MAST4: variants seen among roughly 807,000 people sequenced by gnomAD.
MAST4 encodes microtubule-associated serine/threonine-protein kinase 4.
Under a neutral mutation model 162.7 loss-of-function variants are expected in MAST4, and 89 were observed. The observed-to-expected ratio is 0.55, with a 90% CI of 0.46 to 0.65. The LOEUF is 0.65. Among genes scored for constraint, MAST4 ranks in the 30% least tolerant of loss-of-function variants. MAST4 has a pLI of 0.00. For missense variants in MAST4, 3,153 were observed against 3,374.0 expected (o/e 0.93, Z 1.62); for synonymous variants, 1,479 against 1,361.1 (o/e 1.09, Z -1.91).
At chr5:67,144,411 TATG>T (rs778089143) in intron 21 of MAST4, among the ~76,000 whole-genome samples, 1 of 151,872 alleles carries the variant, frequency 6.6e-6, no homozygotes. Context: ...CGCAACAAGA[TATG>T]ATGAGAGGAT....
chr5:66,820,721 A>G (rs1004198012), intron 3 of MAST4, among the ~76,000 whole-genome samples: 3 of 152,198 alleles, frequency 2.0e-5, no homozygotes, highest in Non-Finnish European at 4.4e-5. Flanking sequence ...ATAGTCTGCT[A>G]TATTTCATAT....
At chr5:66,712,657 A>G (rs1750568559) in intron 1 of MAST4, among the ~76,000 whole-genome samples, 1 of 152,218 alleles carries the variant, frequency 6.6e-6, no homozygotes, top group Non-Finnish European at 1.5e-5. Flanking sequence ...TCTCAAAGAA[A>G]TAGAGTTCCA....
At chr5:66,926,057 T>A (rs1764869346) in intron 4 of MAST4, among the ~76,000 whole-genome samples, 3 of 152,024 alleles carry the variant, frequency 2.0e-5, no homozygotes, top group African/African-American at 7.2e-5. Context: ...TCTCATCCAT[T>A]TGGGCTTTTT....
intron 3 of MAST4, among the ~76,000 whole-genome samples, chr5:66,806,861 G>C (rs1006997821): frequency 2.0e-5 from 3 of 151,804 alleles, no homozygotes; most frequent in African/African-American, 4.8e-5. Flanking sequence ...TGGTTTTCTT[G>C]CCTGTGTGAT....
intron 3 of MAST4, among the ~76,000 whole-genome samples, chr5:66,812,302 C>T (rs1018108854): frequency 3.3e-5 from 5 of 152,046 alleles, no homozygotes; most frequent in African/African-American, 9.7e-5. Context: ...GTGAAAATGG[C>T]CTTAGATAGT....
chr5:66,646,844 G>A (rs1745872085), intron 1 of MAST4, among the ~76,000 whole-genome samples: 1 of 152,158 alleles, frequency 6.6e-6, no homozygotes, highest in African/African-American at 2.4e-5. Flanking sequence ...TCAGATTCAA[G>A]ATAGACATCA....
intron 2 of MAST4, among the ~76,000 whole-genome samples, chr5:66,780,637 G>A (rs1046684901): frequency 6.6e-6 from 1 of 152,178 alleles, no homozygotes; most frequent in Admixed American, 6.5e-5. Flanking sequence ...GGTTGCTGCT[G>A]CTGGCTCAGG....
At chr5:66,675,219 T>C (rs899661040) in intron 1 of MAST4, among the ~76,000 whole-genome samples, 7 of 152,212 alleles carry the variant, frequency 4.6e-5, no homozygotes, top group African/African-American at 1.7e-4. Context: ...GTGTTTAGCT[T>C]CCTTTTTACC....
chr5:66,921,873 TTAAA>T (rs1243566510), intron 4 of MAST4, among the ~76,000 whole-genome samples: 1 of 152,242 alleles, frequency 6.6e-6, no homozygotes, highest in African/African-American at 2.4e-5. Flanking sequence ...AACGTTCTAA[TTAAA>T]TAATATTATC....
intron 4 of MAST4, chr5:67,004,941 C>A (rs1266424539): frequency 3.3e-5 from 24 of 718,622 alleles, no homozygotes; most frequent in Non-Finnish European, 5.2e-6. Context: ...TTTTACCTCT[C>A]CCCATTTTAG....
intron 4 of MAST4, among the ~76,000 whole-genome samples, chr5:66,930,178 A>G (rs140592049): frequency 1.2e-3 from 178 of 152,320 alleles, no homozygotes; most frequent in African/African-American, 3.8e-3. Context: ...GAGACGACTG[A>G]AACTGTGCCC....
chr5:66,610,874 A>T (rs1183803746), intron 1 of MAST4, among the ~76,000 whole-genome samples: 1 of 152,224 alleles, frequency 6.6e-6, no homozygotes, highest in African/African-American at 2.4e-5. Context: ...GGACATCTTC[A>T]TTGGATGCCC....
intron 1 of MAST4, among the ~76,000 whole-genome samples, chr5:66,611,532 A>G (rs1247396763): frequency 6.6e-6 from 1 of 152,232 alleles, no homozygotes; most frequent in Non-Finnish European, 1.5e-5. Context: ...AAAGTAGTCT[A>G]TAGTCAAGTT....
chr5:66,950,727 T>G (rs1407977638), intron 4 of MAST4, among the ~76,000 whole-genome samples: 1 of 152,194 alleles, frequency 6.6e-6, no homozygotes, highest in African/African-American at 2.4e-5. Flanking sequence ...TTGGCTATTG[T>G]GAATCATGCT....
chr5:66,710,828 T>TAAAAC (rs144215831), intron 1 of MAST4, among the ~76,000 whole-genome samples: 2,795 of 152,318 alleles, frequency 0.018, 82 homozygotes, highest in African/African-American at 0.062. Flanking sequence ...ATCTAATAAT[T>TAAAAC]AAAACAACAT....
At chr5:66,894,271 G>T (rs1762541199) in intron 3 of MAST4, among the ~76,000 whole-genome samples, 1 of 152,156 alleles carries the variant, frequency 6.6e-6, no homozygotes, top group Admixed American at 6.6e-5. Flanking sequence ...ATCTCTAGGG[G>T]TGGGGCTCAG....
At chr5:66,711,141 G>A (rs569991163) in intron 1 of MAST4, among the ~76,000 whole-genome samples, 2 of 152,272 alleles carry the variant, frequency 1.3e-5, no homozygotes, top group South Asian at 4.2e-4. Context: ...GCGTCCATGA[G>A]GATCATCCTT....
chr5:67,150,779 C>CCCTG (rs1178063339), intron 24 of MAST4, among the ~76,000 whole-genome samples: 2 of 152,182 alleles, frequency 1.3e-5, no homozygotes, highest in African/African-American at 4.8e-5. Context: ...TCTTGAAGTT[C>CCCTG]CCTGCCTGCC....
chr5:66,676,997 T>C (rs1182387178), intron 1 of MAST4, among the ~76,000 whole-genome samples: 1 of 152,174 alleles, frequency 6.6e-6, no homozygotes, highest in African/African-American at 2.4e-5. Context: ...GGTCATCTGG[T>C]GGAGGGGTGG....
Sources: gnomAD v4.1 joint callset for allele counts (sites outside exome capture counted in the v4.1 genomes callset) on GRCh38, gnomAD v4.1.1 for gene constraint, MANE v1.5 for transcripts, NCBI Gene and HGNC (gene_info 2026-07-23, HGNC 2026-07-21) for gene names.